Variants in CAPN7 observed in about 807,000 individuals in gnomAD.
The protein encoded by CAPN7 is calpain 7.
CAPN7 carries 72 observed loss-of-function variants against 115.2 expected under a neutral mutation model. The observed-to-expected ratio is 0.63, with a 90% CI of 0.52 to 0.76. The LOEUF (loss-of-function observed/expected upper bound fraction) is 0.76. Among genes scored for constraint, CAPN7 ranks in the 30% least tolerant of loss-of-function variants. The pLI is 0.00. For synonymous variants in CAPN7, 344 were observed against 322.3 expected (o/e 1.07, Z -0.72); for missense variants, 905 against 971.5 (o/e 0.93, Z 0.91).
chr3:15,240,625 T>C lies in CAPN7; in HGVS notation c.1552+8T>C, dbSNP rs749381488. ...CTCAGAAAATAGACAACGGTAAATA[T>C]ATCTTTTTAATTTTAATACCATTTA... On this transcript the variant is annotated splice_region_variant and intron_variant, in intron 13 of 20. Coordinates refer to ENST00000253693, the MANE Select transcript of CAPN7 (RefSeq NM_014296.3). 2.5e-6 allele frequency: 4 copies of C among 1,583,106 alleles called. No homozygotes were observed. Among genetic ancestry groups the C allele is most frequent in the Middle Eastern group, 3.4e-4 (2 of 5,862 alleles).
intron 19 of CAPN7, among the ~76,000 whole-genome samples, chr3:15,250,264 G>A (rs1236770600): frequency 6.6e-6 from 1 of 151,754 alleles, no homozygotes; most frequent in Admixed American, 6.6e-5. Context: ...ATAGTCCCAG[G>A]TCCTGAGGAG....
At position 15,252,230 on chromosome 3, in the gene CAPN7, C is replaced by A. The variant is rs1275797439; in HGVS notation, c.*970C>A. 2 of 152,530 alleles carry A rather than the reference C, an allele frequency of 1.3e-5. No homozygotes were observed. The highest frequency in any genetic ancestry group is 2.9e-5 in the Non-Finnish European group (2 of 67,990). The allele number at this position is 152,530 out of a possible 1,614,324, so 9.4% of individuals were successfully genotyped here. On this transcript the variant is annotated 3_prime_UTR_variant, in exon 21 of 21. Coordinates refer to ENST00000253693, the MANE Select transcript of CAPN7 (RefSeq NM_014296.3). ...AATAGGGTGGGATTTTTCATTGTCT[C>A]TACTTTATAATTATCAAAACTTATT...
intron 12 of CAPN7, among the ~76,000 whole-genome samples, chr3:15,237,979 T>G (rs1247090599): frequency 6.6e-6 from 1 of 152,026 alleles, no homozygotes; most frequent in Admixed American, 6.6e-5. Flanking sequence ...AAAAAATGTA[T>G]ATTTATATAT....
intron 3 of CAPN7, among the ~76,000 whole-genome samples, 197 bp downstream of exon 3, chr3:15,217,779 A>T (rs1254192141): frequency 1.3e-5 from 2 of 152,266 alleles, no homozygotes; most frequent in African/African-American, 4.8e-5. Context: ...TAAAATTTTG[A>T]AAGTATTGAG....
chr3:15,246,498 C>G (rs975381236), intron 17 of CAPN7: 11 of 438,284 alleles, frequency 2.5e-5, no homozygotes, highest in African/African-American at 1.9e-4. Flanking sequence ...GATGCAGAAG[C>G]CACAGCCTGG....
rs200747540 is a variant in CAPN7, at chr3:15,229,073, T to G, written c.938+14T>G. The stretch of plus-strand genomic sequence containing the variant: ...GTTAATTACCGGGTAAAAATGTGTC[T>G]CTCTTTACCTCTTTTTGTGTAATTG... On this transcript the variant is annotated intron_variant, in intron 8 of 20. Transcript: ENST00000253693. 1 of 1,558,958 alleles carries G rather than the reference T, an allele frequency of 6.4e-7. No individual in the cohort carries two copies. The highest frequency in any genetic ancestry group is 8.8e-7 in the Non-Finnish European group (1 of 1,130,952).
chr3:15,228,928 A>C (rs1400283302), intron 7 of CAPN7, 46 bp from the exon 8 acceptor site: 1 of 1,414,914 alleles, frequency 7.1e-7, no homozygotes, highest in Non-Finnish European at 1.0e-6. Context: ...GGTAATGTTG[A>C]AATTACGTGA....
intron 5 of CAPN7, among the ~76,000 whole-genome samples, chr3:15,222,032 T>C (rs1177496970): frequency 9.9e-5 from 15 of 150,796 alleles, no homozygotes; most frequent in South Asian, 4.2e-4. Flanking sequence ...TACGTATATA[T>C]ATATGTAAAG....
chr3:15,206,630 GC>G, intron 1 of CAPN7, 33 bp downstream of exon 1: 1 of 1,492,806 alleles, frequency 6.7e-7, no homozygotes, highest in Non-Finnish European at 9.1e-7. Context: ...GGTCGGAGTT[GC>G]TCAGTCGGAG....
In CAPN7 at chr3:15,246,712, C is replaced by T. The variant is rs190016282; in HGVS notation, c.2011-20C>T. 1.1e-4 allele frequency: 163 copies of T among 1,525,302 alleles called. No individual in the cohort carries two copies. The highest frequency in any genetic ancestry group is 8.8e-5 in the Non-Finnish European group (97 of 1,101,790). The allele number at this position is 1,525,302 out of a possible 1,614,324, so 94.5% of individuals were successfully genotyped here. ...CTTGTAAGTGTAAAATTTATCAATA[C>T]AGTCTTTTTTTAAATCTAGGTATAT... On this transcript the variant is annotated intron_variant, in intron 17 of 20. Transcript: ENST00000253693.
At chr3:15,221,004 G>A (rs1352090515) in intron 5 of CAPN7, 23 bp downstream of exon 5, 2 of 1,588,052 alleles carry the variant, frequency 1.3e-6, no homozygotes, top group Admixed American at 3.4e-5. Flanking sequence ...ACAATTAATT[G>A]TAATGAAGAA....
intron 6 of CAPN7, among the ~76,000 whole-genome samples, chr3:15,225,647 TA>T (rs1694270539): frequency 6.6e-6 from 1 of 152,220 alleles, no homozygotes; most frequent in African/African-American, 2.4e-5. Flanking sequence ...TTTTTCTCTT[TA>T]AGGTGATTAC....
chr3:15,223,437 A>G (rs1412211620), intron 5 of CAPN7, 38 bp from the exon 6 acceptor site: 1 of 1,287,578 alleles, frequency 7.8e-7, no homozygotes, highest in South Asian at 1.2e-5. Flanking sequence ...CAATTAAGGT[A>G]AACTTGAACA....
intron 7 of CAPN7, among the ~76,000 whole-genome samples, chr3:15,228,421 A>G (rs931910436): frequency 6.6e-6 from 1 of 152,212 alleles, no homozygotes; most frequent in Non-Finnish European, 1.5e-5. Context: ...TATTTAGTAT[A>G]CATTGTAGCA....
Position 15,251,435 on chromosome 3 carries a change from G to A in CAPN7, c.*175G>A. ...GTTTGGTAAGAACTGTATATAGTCA[G>A]AATTACCTAAATCACCTAGAGGTAC... is the stretch of plus-strand genomic sequence containing the variant. On this transcript the variant is annotated 3_prime_UTR_variant, in exon 21 of 21. Coordinates refer to ENST00000253693, the MANE Select transcript of CAPN7 (RefSeq NM_014296.3). 1.9e-6 allele frequency: 1 copy of A among 519,550 alleles called. No individual in the cohort carries two copies. Among genetic ancestry groups the A allele is most frequent in the East Asian group, 3.2e-5 (1 of 31,514 alleles). 32.2% of individuals were successfully genotyped at this position (519,550 alleles called of 1,614,324 possible).
intron 6 of CAPN7, among the ~76,000 whole-genome samples, chr3:15,226,153 G>T (rs994091594): frequency 5.3e-5 from 8 of 152,034 alleles, no homozygotes; most frequent in African/African-American, 1.9e-4. Flanking sequence ...TCAGCTCACT[G>T]CAACCTCCGT....
chr3:15,237,832 C>G (rs146623499), intron 12 of CAPN7, among the ~76,000 whole-genome samples: 1 of 151,862 alleles, frequency 6.6e-6, no homozygotes, highest in Admixed American at 6.6e-5. Context: ...AAAAAATTAG[C>G]TGGGCATGGT....
chr3:15,209,923 A>AT (rs1256126784), intron 1 of CAPN7, among the ~76,000 whole-genome samples: 1 of 152,184 alleles, frequency 6.6e-6, no homozygotes, highest in African/African-American at 2.4e-5. Context: ...TCCTTTCTAT[A>AT]AGCTATTTAT....
chr3:15,244,990 T>G (rs1695571982), intron 16 of CAPN7, among the ~76,000 whole-genome samples: 1 of 152,054 alleles, frequency 6.6e-6, no homozygotes, highest in Non-Finnish European at 1.5e-5. Flanking sequence ...TCATTCATTT[T>G]TAGGAGTGGG....
Sources: gnomAD v4.1 joint callset for allele counts (sites outside exome capture counted in the v4.1 genomes callset) on GRCh38, gnomAD v4.1.1 for gene constraint, MANE v1.5 for transcripts, NCBI Gene and HGNC (gene_info 2026-07-23, HGNC 2026-07-21) for gene names.